NYAP2: variants seen among roughly 807,000 people sequenced by gnomAD.
NYAP2 encodes neuronal tyrosine-phosphorylated phosphoinositide-3-kinase adaptor 2.
A neutral mutation model predicts 50.4 loss-of-function variants in NYAP2; 23 were observed. The ratio of observed to expected loss-of-function variants is 0.46; its 90% CI spans 0.33 to 0.65. NYAP2 has a LOEUF of 0.65. Ranked by LOEUF, NYAP2 falls within the 30% of genes least tolerant of loss-of-function variation. The probability of loss-of-function intolerance (pLI) is 0.02; values close to 1 mark genes in which losing one functional copy is unlikely to be tolerated. For synonymous variants in NYAP2, 394 were observed against 365.2 expected, an observed-to-expected ratio of 1.08 and a Z score of -0.90; for missense variants, 885 against 861.0, an observed-to-expected ratio of 1.03 and a Z score of -0.35.
intron 3 of NYAP2, among the ~76,000 whole-genome samples, chr2:225,447,877 C>G (rs1320268470): frequency 6.6e-6 from 1 of 152,168 alleles, no homozygotes; most frequent in Non-Finnish European, 1.5e-5. Context: ...ACAGGGAGAG[C>G]AATTCCAAGC....
At chr2:225,481,000 T>A (rs142081230) in intron 3 of NYAP2, among the ~76,000 whole-genome samples, 1 of 152,188 alleles carries the variant, frequency 6.6e-6, no homozygotes, top group African/African-American at 2.4e-5. Flanking sequence ...AGAACATAAC[T>A]TTATATTTTC....
chr2:225,543,904 T>C (rs867290385), intron 4 of NYAP2, among the ~76,000 whole-genome samples: 1 of 152,120 alleles, frequency 6.6e-6, no homozygotes, highest in South Asian at 2.1e-4. Context: ...TCTCTTTAGC[T>C]CTAATAATAT....
At chr2:225,607,654 A>T (rs6712667) in intron 5 of NYAP2, among the ~76,000 whole-genome samples, 93,599 of 151,784 alleles carry the variant, frequency 0.62, 29,651 homozygotes, top group South Asian at 0.8. Context: ...TTTGGTCAAG[A>T]CTGTAGAATT....
chr2:225,588,805 G>A (rs1248226320), intron 5 of NYAP2, among the ~76,000 whole-genome samples: 1 of 152,104 alleles, frequency 6.6e-6, no homozygotes. Context: ...GAACAGGGGA[G>A]GCCTCACACA....
chr2:225,410,154 A>G (rs1375896525), intron 3 of NYAP2, among the ~76,000 whole-genome samples: 1 of 152,108 alleles, frequency 6.6e-6, no homozygotes, highest in African/African-American at 2.4e-5. Flanking sequence ...CTTTATGGAG[A>G]GAGAGAGATG....
intron 3 of NYAP2, among the ~76,000 whole-genome samples, chr2:225,501,606 T>C (rs16866626): frequency 0.3 from 44,866 of 152,054 alleles, 6,862 homozygotes; most frequent in South Asian, 0.48. Flanking sequence ...GAAAACAGCA[T>C]TCCATCATAC....
intron 3 of NYAP2, among the ~76,000 whole-genome samples, chr2:225,499,766 G>A (rs569048605): frequency 2.8e-4 from 43 of 152,132 alleles, no homozygotes; most frequent in African/African-American, 9.6e-4. Context: ...CAATGTATTG[G>A]GCACAAAAGA....
intron 5 of NYAP2, among the ~76,000 whole-genome samples, chr2:225,624,366 G>T (rs1416287678): frequency 6.6e-6 from 1 of 152,234 alleles, no homozygotes; most frequent in African/African-American, 2.4e-5. Flanking sequence ...GGCATTCTAT[G>T]TGATTGGTTA....
At chr2:225,403,258 A>G (rs1255468830) in intron 2 of NYAP2, among the ~76,000 whole-genome samples, 3 of 152,016 alleles carry the variant, frequency 2.0e-5, no homozygotes, top group African/African-American at 7.2e-5. Flanking sequence ...ACTTCCTCAC[A>G]GCATTGAGAC....
chr2:225,662,784 A>G, the NYAP2 span, among the ~76,000 whole-genome samples: 1 of 152,168 alleles, frequency 6.6e-6, no homozygotes, highest in Non-Finnish European at 1.5e-5. Context: ...TTCGGGAGAA[A>G]CCAATAGAGC....
At chr2:225,674,820 G>C in the NYAP2 span, among the ~76,000 whole-genome samples, 1 of 152,078 alleles carries the variant, frequency 6.6e-6, no homozygotes, top group East Asian at 1.9e-4. Context: ...GAGATCTGTC[G>C]ATCTTTGCCA....
chr2:225,538,783 TTTCTTTCTTTCTTTC>T (rs754002179), intron 4 of NYAP2, among the ~76,000 whole-genome samples: 50 of 38,748 alleles, frequency 1.3e-3, no homozygotes, highest in Admixed American at 3.3e-3. Context: ...TTTTCTTTTC[TTTCTTTCTTTCTTTC>T]TTTCTTTCTT....
chr2:225,665,921 A>G, the NYAP2 span, among the ~76,000 whole-genome samples: 7 of 143,752 alleles, frequency 4.9e-5, no homozygotes, highest in Admixed American at 7.5e-5. Context: ...TTTCCTTCTT[A>G]TCCCACTCCC....
chr2:225,651,434 C>T (rs1693730062), exon 7 of NYAP2: 13 of 1,613,802 alleles, frequency 8.1e-6, no homozygotes, highest in Non-Finnish European at 1.1e-5. Flanking sequence ...GTTTCCAGAG[C>T]CTAAAGTAAG....
intron 4 of NYAP2, among the ~76,000 whole-genome samples, chr2:225,575,722 C>T (rs1692158954): frequency 6.6e-6 from 1 of 152,166 alleles, no homozygotes; most frequent in South Asian, 2.1e-4. Context: ...ATAGACTCCA[C>T]TTCTTACTGA....
chr2:225,665,367 T>G, the NYAP2 span, among the ~76,000 whole-genome samples: 2 of 152,208 alleles, frequency 1.3e-5, no homozygotes, highest in East Asian at 3.9e-4. Flanking sequence ...TGTTTTTAAG[T>G]GTGAACACCC....
At chr2:225,639,844 C>T (rs540235826) in intron 6 of NYAP2, among the ~76,000 whole-genome samples, 7 of 152,224 alleles carry the variant, frequency 4.6e-5, no homozygotes, top group African/African-American at 1.7e-4. Flanking sequence ...TGTTTCAACG[C>T]ATCCTAATAA....
intron 3 of NYAP2, among the ~76,000 whole-genome samples, chr2:225,444,449 G>A (rs1258294776): frequency 6.6e-6 from 1 of 152,184 alleles, no homozygotes; most frequent in African/African-American, 2.4e-5. Flanking sequence ...ATAAAGATTT[G>A]CATATAAATT....
intron 4 of NYAP2, among the ~76,000 whole-genome samples, chr2:225,556,550 C>G (rs1691779138): frequency 6.6e-6 from 1 of 152,100 alleles, no homozygotes; most frequent in South Asian, 2.1e-4. Flanking sequence ...TTAGTATCCA[C>G]CTGGATGAAG....
Sources: gnomAD v4.1 joint callset for allele counts (sites outside exome capture counted in the v4.1 genomes callset) on GRCh38, gnomAD v4.1.1 for gene constraint, MANE v1.5 for transcripts, NCBI Gene and HGNC (gene_info 2026-07-23, HGNC 2026-07-21) for gene names.